Variants in PDZRN4 observed in about 807,000 individuals in gnomAD.
PDZRN4 encodes the protein PDZ domain-containing RING finger protein 4.
In PDZRN4, 70 loss-of-function variants were observed where a neutral mutation model predicts 99.0. That is an observed-to-expected ratio of 0.71 (90% CI 0.58 to 0.86). PDZRN4 has a LOEUF of 0.86. Ranked by LOEUF, PDZRN4 falls within the 40% of genes least tolerant of loss-of-function variation. The pLI is 0.00. For synonymous variants in PDZRN4, 551 were observed against 501.6 expected, an observed-to-expected ratio of 1.10 and a Z score of -1.32; for missense variants, 1,474 against 1,331.2, an observed-to-expected ratio of 1.11 and a Z score of -1.67.
intron 3 of PDZRN4, among the ~76,000 whole-genome samples, chr12:41,297,275 T>C (rs1951502285): frequency 6.6e-6 from 1 of 152,218 alleles, no homozygotes; most frequent in Admixed American, 6.5e-5. Context: ...CATTTAATTA[T>C]AATACTAGGA....
chr12:41,564,982 C>T (rs1939339073), intron 8 of PDZRN4, among the ~76,000 whole-genome samples: 1 of 152,248 alleles, frequency 6.6e-6, no homozygotes, highest in African/African-American at 2.4e-5. Context: ...TGCTAGAGAA[C>T]CTCATTAATT....
At chr12:41,486,609 A>G (rs191093612) in intron 3 of PDZRN4, among the ~76,000 whole-genome samples, 3 of 152,252 alleles carry the variant, frequency 2.0e-5, no homozygotes, top group Admixed American at 6.5e-5. Flanking sequence ...CAGCTGGGAA[A>G]GTGCAAGCAA....
intron 3 of PDZRN4, among the ~76,000 whole-genome samples, chr12:41,288,264 T>C (rs1374327449): frequency 1.3e-5 from 2 of 152,146 alleles, no homozygotes; most frequent in Non-Finnish European, 2.9e-5. Context: ...CCTGTGATAA[T>C]AAATCATTTT....
chr12:41,558,468 C>T (rs1177933301), intron 7 of PDZRN4, among the ~76,000 whole-genome samples: 1 of 152,144 alleles, frequency 6.6e-6, no homozygotes, highest in Non-Finnish European at 1.5e-5. Context: ...CCCCTCTTCC[C>T]TAGGCTAGAT....
intron 3 of PDZRN4, among the ~76,000 whole-genome samples, chr12:41,338,276 A>C (rs890961547): frequency 6.6e-6 from 1 of 152,124 alleles, no homozygotes; most frequent in African/African-American, 2.4e-5. Context: ...TAATTAATTC[A>C]TTCATTCATA....
At chr12:41,548,911 C>G (rs1939005940) in intron 5 of PDZRN4, among the ~76,000 whole-genome samples, 1 of 152,188 alleles carries the variant, frequency 6.6e-6, no homozygotes, top group South Asian at 2.1e-4. Flanking sequence ...CTCTAATCTT[C>G]TACTCCACCT....
At chr12:41,386,469 A>G (rs1337677545) in intron 3 of PDZRN4, among the ~76,000 whole-genome samples, 1 of 152,254 alleles carries the variant, frequency 6.6e-6, no homozygotes, top group East Asian at 1.9e-4. Flanking sequence ...CAAAGAAATC[A>G]GAGATGACAC....
rs76167979 is a variant in PDZRN4, at chr12:41,553,769, A to G, written c.1302+1015A>G. 4.4e-3 allele frequency among the ~76,000 whole-genome samples: 665 copies of G among 152,188 alleles called. 11 individuals carry two copies. In the East Asian group the frequency reaches 0.05, roughly 11 times the overall value. The stretch of plus-strand genomic sequence containing the variant: ...AAAATTACATACTTATATGTGAAAA[A>G]CATATGTGTACATATGTTTATATAT... On this transcript the variant is annotated intron_variant, in intron 6 of 9. Coordinates refer to ENST00000402685, the MANE Select transcript of PDZRN4 (RefSeq NM_001164595.2).
intron 3 of PDZRN4, among the ~76,000 whole-genome samples, chr12:41,197,919 G>GTTTTTTTTTTTTTTTTTTTTTT (rs764851464): frequency 8.8e-6 from 1 of 113,464 alleles, no homozygotes; most frequent in African/African-American, 3.4e-5. Context: ...GTTTTTTCTG[G>GTTTTTTTTTTTTTTTTTTTTTT]GTTTTTTTTT....
intron 3 of PDZRN4, among the ~76,000 whole-genome samples, chr12:41,246,854 T>C (rs1044265703): frequency 1.3e-5 from 2 of 152,202 alleles, no homozygotes; most frequent in Non-Finnish European, 2.9e-5. Flanking sequence ...GCTAGAAGCA[T>C]TGCTCCATAC....
intron 3 of PDZRN4, among the ~76,000 whole-genome samples, chr12:41,388,553 C>T (rs1952188024): frequency 6.6e-6 from 1 of 152,060 alleles, no homozygotes; most frequent in African/African-American, 2.4e-5. Flanking sequence ...AATTTGATTG[C>T]TGTTTTGAGA....
chr12:41,205,412 A>G (rs548162009), intron 3 of PDZRN4, among the ~76,000 whole-genome samples: 19 of 151,964 alleles, frequency 1.3e-4, no homozygotes, highest in South Asian at 8.3e-4. Context: ...TAAGCTATTC[A>G]ATGAGGTCCT....
intron 3 of PDZRN4, among the ~76,000 whole-genome samples, chr12:41,322,190 C>G (rs1951683182): frequency 6.6e-6 from 1 of 152,028 alleles, no homozygotes; most frequent in Non-Finnish European, 1.5e-5. Context: ...TGCCACCACA[C>G]CCAGCTATTT....
At chr12:41,394,744 T>C (rs192673005) in intron 3 of PDZRN4, among the ~76,000 whole-genome samples, 14 of 151,744 alleles carry the variant, frequency 9.2e-5, no homozygotes, top group Admixed American at 9.2e-4. Flanking sequence ...CTGAGTGTAC[T>C]CATAACATGG....
At chr12:41,508,218 G>A (rs180843382) in intron 4 of PDZRN4, among the ~76,000 whole-genome samples, 167 of 152,154 alleles carry the variant, frequency 1.1e-3, no homozygotes, top group African/African-American at 3.9e-3. Flanking sequence ...AGGCTTCTAG[G>A]CCTAAGAGGT....
At chr12:41,212,969 G>A (rs1950897626) in intron 3 of PDZRN4, among the ~76,000 whole-genome samples, 1 of 151,920 alleles carries the variant, frequency 6.6e-6, no homozygotes, top group Admixed American at 6.6e-5. Context: ...TTGGAGAGTG[G>A]GAGGGGCTAA....
chr12:41,213,172 A>T (rs1019875729), intron 3 of PDZRN4, among the ~76,000 whole-genome samples: 4 of 152,088 alleles, frequency 2.6e-5, no homozygotes, highest in Non-Finnish European at 5.9e-5. Context: ...AACCCATGAA[A>T]GTATTTAAGC....
chr12:41,236,813 A>G (rs2120772145), intron 3 of PDZRN4, among the ~76,000 whole-genome samples: 1 of 152,306 alleles, frequency 6.6e-6, no homozygotes, highest in South Asian at 2.1e-4. Context: ...CAATAGAATA[A>G]GGAAGGTGTG....
intron 3 of PDZRN4, among the ~76,000 whole-genome samples, chr12:41,197,742 C>T (rs1237167973): frequency 2.6e-5 from 4 of 151,998 alleles, no homozygotes; most frequent in Admixed American, 1.3e-4. Context: ...CTGATCCTAT[C>T]GAAGGTTGGG....
Sources: gnomAD v4.1 joint callset for allele counts (sites outside exome capture counted in the v4.1 genomes callset) on GRCh38, gnomAD v4.1.1 for gene constraint, MANE v1.5 for transcripts, NCBI Gene and HGNC (gene_info 2026-07-23, HGNC 2026-07-21) for gene names.